The following SLC24A2 variants were observed in gnomAD, a reference collection of about 807,000 sequenced individuals.
SLC24A2 encodes sodium/potassium/calcium exchanger 2.
In SLC24A2, 36 loss-of-function variants were observed where a neutral mutation model predicts 62.0. That is an observed-to-expected ratio of 0.58 (90% CI 0.44 to 0.77). The LOEUF is 0.77. SLC24A2 is among the 30% of genes least tolerant of loss of function. The pLI, the probability that SLC24A2 is intolerant of heterozygous loss-of-function variation, is 0.00. For synonymous variants in SLC24A2, 358 were observed against 294.0 expected, an observed-to-expected ratio of 1.22 and a Z score of -2.23; for missense variants, 846 against 817.9, an observed-to-expected ratio of 1.03 and a Z score of -0.42.
the SLC24A2 span, among the ~76,000 whole-genome samples, chr9:20,263,603 C>T: frequency 6.6e-6 from 1 of 152,168 alleles, no homozygotes; most frequent in African/African-American, 2.4e-5. Flanking sequence ...CAGCAAAATT[C>T]CATGGGCACC....
intron 2 of SLC24A2, among the ~76,000 whole-genome samples, chr9:19,723,382 A>G (rs1261801499): frequency 1.3e-5 from 2 of 152,146 alleles, no homozygotes; most frequent in African/African-American, 2.4e-5. Context: ...ATGAGCCCAC[A>G]GGACATCTGG....
At chr9:19,901,729 T>C in the SLC24A2 span, among the ~76,000 whole-genome samples, 1 of 152,112 alleles carries the variant, frequency 6.6e-6, no homozygotes, top group Admixed American at 6.5e-5. Flanking sequence ...GATAATCAAG[T>C]GTGCAGACTC....
chr9:19,830,477 T>C, the SLC24A2 span, among the ~76,000 whole-genome samples: 1 of 152,214 alleles, frequency 6.6e-6, no homozygotes, highest in East Asian at 1.9e-4. Context: ...GGAAGCTGAC[T>C]CTTAGAAAGG....
chr9:19,549,572 G>A (rs1834740997), intron 8 of SLC24A2, among the ~76,000 whole-genome samples: 1 of 152,182 alleles, frequency 6.6e-6, no homozygotes, highest in African/African-American at 2.4e-5. Flanking sequence ...ACCATGCTGT[G>A]AGGAAGCCCA....
chr9:20,214,557 G>T, the SLC24A2 span, among the ~76,000 whole-genome samples: 1 of 152,064 alleles, frequency 6.6e-6, no homozygotes, highest in Non-Finnish European at 1.5e-5. Flanking sequence ...ACAGCTTGCA[G>T]TGAGCCGAGA....
the SLC24A2 span, among the ~76,000 whole-genome samples, chr9:20,248,915 T>TCCTGGTC: frequency 6.6e-5 from 10 of 152,198 alleles, no homozygotes; most frequent in African/African-American, 2.4e-4. Flanking sequence ...TATTCATGGT[T>TCCTGGTC]CTTCCTGGTC....
chr9:19,894,076 G>A, the SLC24A2 span, among the ~76,000 whole-genome samples: 2 of 152,296 alleles, frequency 1.3e-5, no homozygotes, highest in East Asian at 3.9e-4. Flanking sequence ...TATTCTGGGT[G>A]GCTACGTGTC....
the SLC24A2 span, among the ~76,000 whole-genome samples, chr9:20,211,475 G>A: frequency 1.4e-4 from 21 of 152,128 alleles, no homozygotes; most frequent in Non-Finnish European, 2.9e-5. Context: ...TCACACCATT[G>A]CACTCCAGCC....
chr9:20,016,439 T>C, the SLC24A2 span, among the ~76,000 whole-genome samples: 4 of 152,214 alleles, frequency 2.6e-5, no homozygotes, highest in Non-Finnish European at 5.9e-5. Context: ...ATGTTCTATA[T>C]TGACTCCTAA....
chr9:20,154,690 T>C, the SLC24A2 span, among the ~76,000 whole-genome samples: 122,615 of 151,268 alleles, frequency 0.81, 51,025 homozygotes, highest in Non-Finnish European at 0.92. Context: ...ATAAAATGTA[T>C]TGGGCTCCAT....
the SLC24A2 span, among the ~76,000 whole-genome samples, chr9:20,230,733 T>C: frequency 6.6e-6 from 1 of 152,192 alleles, no homozygotes. Context: ...AGCTCTTTAG[T>C]TTAATGAGAT....
the SLC24A2 span, chr9:19,929,817 T>C: frequency 6.6e-6 from 1 of 152,178 alleles, no homozygotes; most frequent in Non-Finnish European, 1.5e-5. Flanking sequence ...GATGTAGAGG[T>C]GGAAGACAAT....
the SLC24A2 span, among the ~76,000 whole-genome samples, chr9:20,072,294 C>A: frequency 1.3e-5 from 2 of 152,100 alleles, no homozygotes; most frequent in African/African-American, 2.4e-5. Flanking sequence ...TGGGGCAGGA[C>A]CCTCTGTGCA....
At chr9:20,223,360 C>T in the SLC24A2 span, among the ~76,000 whole-genome samples, 1 of 152,242 alleles carries the variant, frequency 6.6e-6, no homozygotes, top group East Asian at 1.9e-4. Context: ...AAGCCGGGCT[C>T]ACACCTCTAA....
chr9:19,533,723 A>AT (rs1252866527), intron 8 of SLC24A2, among the ~76,000 whole-genome samples: 1 of 152,158 alleles, frequency 6.6e-6, no homozygotes, highest in African/African-American at 2.4e-5. Context: ...CACAACCCAA[A>AT]TTGCCAATTC....
chr9:20,008,914 A>G, the SLC24A2 span, among the ~76,000 whole-genome samples: 5 of 152,144 alleles, frequency 3.3e-5, no homozygotes, highest in African/African-American at 1.2e-4. Flanking sequence ...CAGAAATCCA[A>G]CTGGCAACTG....
chr9:20,105,476 A>T, the SLC24A2 span, among the ~76,000 whole-genome samples: 1 of 151,868 alleles, frequency 6.6e-6, no homozygotes, highest in Admixed American at 6.6e-5. Context: ...AATGTAAAAG[A>T]ACAGAAATTA....
the SLC24A2 span, among the ~76,000 whole-genome samples, chr9:20,105,480 G>A: frequency 6.6e-6 from 1 of 151,706 alleles, no homozygotes; most frequent in Non-Finnish European, 1.5e-5. Flanking sequence ...TAAAAGAACA[G>A]AAATTATAAC....
chr9:20,012,528 T>A, the SLC24A2 span, among the ~76,000 whole-genome samples: 1 of 151,460 alleles, frequency 6.6e-6, no homozygotes, highest in Non-Finnish European at 1.5e-5. Flanking sequence ...GTACAGAAAG[T>A]CCTAGCCAGA....
Sources: allele counts gnomAD v4.1 joint callset (sites outside exome capture counted in the v4.1 genomes callset), GRCh38; gene constraint gnomAD v4.1.1; transcripts MANE v1.5; gene names NCBI Gene and HGNC (gene_info 2026-07-23, HGNC 2026-07-21).